Variants in FAM53B observed in about 807,000 individuals in gnomAD.
FAM53B encodes the protein protein FAM53B.
A neutral mutation model predicts 32.7 loss-of-function variants in FAM53B; 12 were observed. That is an observed-to-expected ratio of 0.37 (90% CI 0.24 to 0.59). FAM53B has a LOEUF of 0.59. Ranked by LOEUF, FAM53B falls within the 20% of genes least tolerant of loss-of-function variation. The probability of loss-of-function intolerance (pLI) is 0.72; values close to 1 mark genes in which losing one functional copy is unlikely to be tolerated. For missense variants in FAM53B, 477 were observed against 577.7 expected (o/e 0.83, Z 1.79); for synonymous variants, 234 against 228.7 (o/e 1.02, Z -0.21).
chr10:124,701,920 A>C (rs1000931939), intron 2 of FAM53B, among the ~76,000 whole-genome samples: 1 of 152,204 alleles, frequency 6.6e-6, no homozygotes, highest in African/African-American at 2.4e-5. Context: ...GTTTTTTAAA[A>C]CAGGGGAACC....
At chr10:124,643,697 A>G (rs2134046163) in intron 4 of FAM53B, among the ~76,000 whole-genome samples, 1 of 152,368 alleles carries the variant, frequency 6.6e-6, no homozygotes, top group Middle Eastern at 3.4e-3. Context: ...CCGGAGCTTT[A>G]GAGCCGCCAT....
At position 124,641,575 on chromosome 10, in the gene FAM53B, C is replaced by G. The variant is rs552289332; in HGVS notation, c.907-17971G>C. Among the ~76,000 whole-genome samples the G allele has an allele frequency of 3.8e-4, 58 of 152,228 alleles. 1 individual carries two copies. Among genetic ancestry groups the G allele is most frequent in the Non-Finnish European group, 2.9e-5 (2 of 68,040 alleles). ...ATGTGTCATCACTGAGGCCCATGTT[C>G]ACTAGAAAACAGGAGCCGAGAGTCA... On this transcript the variant is annotated intron_variant, in intron 4 of 4. Coordinates refer to ENST00000337318, the MANE Select transcript of FAM53B (RefSeq NM_014661.4).
intron 1 of FAM53B, among the ~76,000 whole-genome samples, chr10:124,715,156 TAC>T (rs1724247530): frequency 6.6e-6 from 1 of 152,210 alleles, no homozygotes; most frequent in African/African-American, 2.4e-5. Flanking sequence ...AATTTTGCAA[TAC>T]ACACACTCTC....
At chr10:124,736,460 C>A (rs989932288) in intron 1 of FAM53B, among the ~76,000 whole-genome samples, 107 of 152,394 alleles carry the variant, frequency 7.0e-4, no homozygotes, top group African/African-American at 2.5e-3. Context: ...TCACCCAGAT[C>A]ATGGAGACAC....
intron 4 of FAM53B, among the ~76,000 whole-genome samples, chr10:124,657,373 A>T (rs1949600016): frequency 6.6e-6 from 1 of 152,058 alleles, no homozygotes; most frequent in African/African-American, 2.4e-5. Flanking sequence ...GTAAATGATG[A>T]TTTAAAATCT....
At chr10:124,726,124 C>T (rs181181565) in intron 1 of FAM53B, among the ~76,000 whole-genome samples, 56 of 152,216 alleles carry the variant, frequency 3.7e-4, no homozygotes, top group Non-Finnish European at 6.2e-4. Context: ...AGGTTGAGTC[C>T]GGTGGTTCCT....
chr10:124,693,330 C>T (rs991491550), intron 3 of FAM53B, among the ~76,000 whole-genome samples: 3 of 152,018 alleles, frequency 2.0e-5, no homozygotes, highest in East Asian at 1.9e-4. Context: ...ATTAGCTGGG[C>T]GTGGTGGCAC....
chr10:124,739,755 G>A (rs774033055), intron 1 of FAM53B, among the ~76,000 whole-genome samples: 3 of 152,236 alleles, frequency 2.0e-5, no homozygotes, highest in African/African-American at 4.8e-5. Flanking sequence ...CAGGAGAGAC[G>A]GAGAACCATT....
At chr10:124,653,380 T>C (rs552669386) in intron 4 of FAM53B, among the ~76,000 whole-genome samples, 1 of 152,332 alleles carries the variant, frequency 6.6e-6, no homozygotes, top group African/African-American at 2.4e-5. Context: ...AGAAGGGCTC[T>C]GGCGTGGGGA....
intron 4 of FAM53B, among the ~76,000 whole-genome samples, chr10:124,644,646 T>A (rs978381495): frequency 6.6e-6 from 1 of 152,166 alleles, no homozygotes; most frequent in African/African-American, 2.4e-5. Context: ...GAGGGAGGCC[T>A]GAGAGGTGAC....
intron 4 of FAM53B, 81 bp downstream of exon 4, chr10:124,681,526 T>C: frequency 7.9e-7 from 1 of 1,271,894 alleles, no homozygotes; most frequent in Non-Finnish European, 1.1e-6. Flanking sequence ...AAACTGGCAA[T>C]CTATGCTTGT....
chr10:124,640,667 G>A (rs1041983168), intron 4 of FAM53B, among the ~76,000 whole-genome samples: 2 of 152,184 alleles, frequency 1.3e-5, no homozygotes, highest in Non-Finnish European at 2.9e-5. Flanking sequence ...TGAGCTCCAT[G>A]GGATCGCCCC....
intron 1 of FAM53B, among the ~76,000 whole-genome samples, chr10:124,736,487 T>TA (rs1419805446): frequency 5.9e-5 from 9 of 152,346 alleles, no homozygotes; most frequent in African/African-American, 1.9e-4. Context: ...GCAGAGAACT[T>TA]AGTCTTTCCA....
At chr10:124,674,381 C>A (rs761231334) in intron 4 of FAM53B, among the ~76,000 whole-genome samples, 1 of 152,188 alleles carries the variant, frequency 6.6e-6, no homozygotes, top group African/African-American at 2.4e-5. Context: ...AAGCTCCAAG[C>A]GCTTCATACA....
At chr10:124,705,851 G>A (rs981053150) in intron 2 of FAM53B, among the ~76,000 whole-genome samples, 9 of 152,256 alleles carry the variant, frequency 5.9e-5, no homozygotes, top group Non-Finnish European at 1.0e-4. Flanking sequence ...ACGAGGAGCC[G>A]TGAAGGGCGC....
rs1949289753 is a variant in FAM53B at position 124,619,477 on chromosome 10, C to A, written c.*3765G>T. The A allele has an allele frequency of 6.6e-6, 1 of 152,416 alleles. No homozygotes were observed. The highest frequency in any genetic ancestry group is 2.1e-4 in the South Asian group (1 of 4,822). The allele number at this position is 152,416 out of a possible 1,614,324, so 9.4% of individuals were successfully genotyped here. A position where few individuals can be genotyped will look rare whatever the true frequency, so the allele number is the denominator to read the frequency against. On this transcript the variant is annotated 3_prime_UTR_variant, in exon 5 of 5. Transcript: ENST00000337318. ...ACTTCCTGAAGCACGGCAACACCCA[C>A]AACATCCAGCTCAGGGAAGCCCCTG... is the stretch of plus-strand genomic sequence containing the variant.
At chr10:124,656,299 A>C (rs1949588824) in intron 4 of FAM53B, among the ~76,000 whole-genome samples, 1 of 152,180 alleles carries the variant, frequency 6.6e-6, no homozygotes. Flanking sequence ...GCCCCACGAT[A>C]AGCATGCTCT....
intron 3 of FAM53B, among the ~76,000 whole-genome samples, chr10:124,683,938 G>A (rs771117993): frequency 2.6e-5 from 4 of 152,334 alleles, no homozygotes; most frequent in Non-Finnish European, 4.4e-5. Flanking sequence ...TTGACTCAAC[G>A]GGAATGACCT....
chr10:124,679,353 G>A lies in FAM53B; in HGVS notation c.906+2254C>T, dbSNP rs189864813. Among the ~76,000 whole-genome samples the A allele has an allele frequency of 1.3e-3, 205 of 152,312 alleles. 1 individual carries two copies. The highest frequency in any genetic ancestry group is 4.8e-3 in the African/African-American group (198 of 41,566). ...GCCATCTGGCAACACGTTAGTCCTT[G>A]TACACCAGCAACATGCCCAGCTCAT... On this transcript the variant is annotated intron_variant, in intron 4 of 4. Coordinates refer to ENST00000337318, the MANE Select transcript of FAM53B (RefSeq NM_014661.4).
Sources: gnomAD v4.1 joint callset for allele counts (sites outside exome capture counted in the v4.1 genomes callset) on GRCh38, gnomAD v4.1.1 for gene constraint, MANE v1.5 for transcripts, NCBI Gene and HGNC (gene_info 2026-07-23, HGNC 2026-07-21) for gene names.